FREM3: variants seen among roughly 807,000 people sequenced by gnomAD.
FREM3 encodes FRAS1 related extracellular matrix 3.
Under a neutral mutation model 129.1 loss-of-function variants are expected in FREM3, and 105 were observed. The observed-to-expected ratio is 0.81, with a 90% CI of 0.69 to 0.96. The LOEUF (loss-of-function observed/expected upper bound fraction) is 0.96, where lower values mean the gene tolerates loss of function less well. Ranked by LOEUF, FREM3 falls within the 40% of genes least tolerant of loss-of-function variation. The pLI, the probability that FREM3 is intolerant of heterozygous loss-of-function variation, is 0.00. For missense variants in FREM3, 2,593 were observed against 2,666.3 expected (o/e 0.97, Z 0.61); for synonymous variants, 1,014 against 1,044.9 (o/e 0.97, Z 0.57).
At chr4:143,599,428 C>T (rs1738534959) in intron 6 of FREM3, among the ~76,000 whole-genome samples, 1 of 152,150 alleles carries the variant, frequency 6.6e-6, no homozygotes, top group Admixed American at 6.5e-5. Context: ...TTGCTTTCCT[C>T]ATTTGTAAAA....
intron 3 of FREM3, among the ~76,000 whole-genome samples, chr4:143,626,912 A>G (rs1218487166): frequency 6.6e-6 from 1 of 152,212 alleles, no homozygotes; most frequent in Non-Finnish European, 1.5e-5. Context: ...TGAAGACAAT[A>G]TAACCCTATC....
At position 143,584,366 on chromosome 4, in the gene FREM3, G is replaced by A. The variant is rs973656324; in HGVS notation, c.6178+1478C>T. On this transcript the variant is annotated intron_variant, in intron 7 of 7. Transcript: ENST00000329798. ...GGAGCTTGCAGTAAGCCGAGATTGC[G>A]CCACTGCGGTCCGCAGTCCGGCCTG... 2.0e-4 allele frequency among the ~76,000 whole-genome samples: 29 copies of A among 147,380 alleles called. 1 individual carries two copies. The highest frequency in any genetic ancestry group is 7.5e-4 in the Admixed American group (11 of 14,702).
rs1251557228 is a variant in FREM3 at position 143,577,510 on chromosome 4, A to G, written c.*101T>C. Reference sequence around the variant, plus strand: ...AGAATATAACACCAATGACAGTACAATATCACTGATATCCCAGAATTGCTA... The same window carrying G: ...AGAATATAACACCAATGACAGTACAGTATCACTGATATCCCAGAATTGCTA... On this transcript the variant is annotated 3_prime_UTR_variant, in exon 8 of 8. Transcript: ENST00000329798. 9.0e-6 allele frequency: 10 copies of G among 1,108,080 alleles called. No individual in the cohort carries two copies. The highest frequency in any genetic ancestry group is 1.1e-5 in the Non-Finnish European group (9 of 792,236). The allele number at this position is 1,108,080 out of a possible 1,614,324, so 68.6% of individuals were successfully genotyped here.
chr4:143,651,379 G>A (rs1739506839), intron 2 of FREM3, among the ~76,000 whole-genome samples: 1 of 152,172 alleles, frequency 6.6e-6, no homozygotes, highest in Non-Finnish European at 1.5e-5. Context: ...CTCAGAGGAT[G>A]GGTGGAAAGG....
intron 7 of FREM3, among the ~76,000 whole-genome samples, chr4:143,584,358 G>A (rs963266149): frequency 6.1e-5 from 9 of 147,490 alleles, no homozygotes; most frequent in Admixed American, 2.0e-4. Flanking sequence ...GCAGTAAGCC[G>A]AGATTGCGCC....
rs1171359664 is a variant in FREM3, at chr4:143,699,673, C to T, written c.1003G>A (p.Val335Ile). The change falls in exon 1 of 8, where the codon GTC becomes ATC. Residue 335 changes from valine to isoleucine, a missense_variant. Transcript: ENST00000329798. The surrounding 1 kb of genome is among the most constrained non-coding windows in gnomAD (Gnocchi z 4.2). ...LTPDALAAED[V>I]ESDPGDLVFN... is the part of the protein sequence containing the mutation. ...ACCAGGTCACCAGGGTCTGACTCGA[C>T]GTCCTCCGCGGCCAGTGCGTCAGGC... 1.3e-6 allele frequency: 2 copies of T among 1,527,954 alleles called. No individual in the cohort carries two copies. Among genetic ancestry groups the T allele is most frequent in the East Asian group, 4.9e-5 (2 of 40,786 alleles). The allele number at this position is 1,527,954 out of a possible 1,614,324, so 94.6% of individuals were successfully genotyped here.
intron 2 of FREM3, among the ~76,000 whole-genome samples, chr4:143,691,607 A>G (rs1342398075): frequency 3.9e-5 from 6 of 152,204 alleles, no homozygotes; most frequent in Non-Finnish European, 8.8e-5. Context: ...ACTTCAGGCA[A>G]GTTATTCAAC....
intron 5 of FREM3, among the ~76,000 whole-genome samples, chr4:143,615,450 C>T (rs1738826514): frequency 6.6e-6 from 1 of 152,150 alleles, no homozygotes; most frequent in Non-Finnish European, 1.5e-5. Context: ...GCACAAGTCA[C>T]CTCATGCCCC....
At chr4:143,619,249 C>T (rs527885459) in intron 5 of FREM3, among the ~76,000 whole-genome samples, 29 of 152,274 alleles carry the variant, frequency 1.9e-4, no homozygotes, top group Admixed American at 9.8e-4. Flanking sequence ...TGCACAGAAA[C>T]CCCAATTACC....
chr4:143,692,702 G>T (rs1740494734), intron 2 of FREM3, among the ~76,000 whole-genome samples: 1 of 152,136 alleles, frequency 6.6e-6, no homozygotes, highest in Admixed American at 6.5e-5. Context: ...AGATCAGGGA[G>T]CCATAAGATT....
chr4:143,673,420 A>T (rs911611714), intron 2 of FREM3, among the ~76,000 whole-genome samples: 12 of 152,224 alleles, frequency 7.9e-5, no homozygotes, highest in Admixed American at 7.9e-4. Flanking sequence ...ATTGGTGAAC[A>T]GCAAATGTTG....
chr4:143,679,773 C>T (rs1168085329), intron 2 of FREM3, among the ~76,000 whole-genome samples: 6 of 152,012 alleles, frequency 3.9e-5, no homozygotes, highest in Non-Finnish European at 8.8e-5. Flanking sequence ...TTGTCCAGGG[C>T]GAACAATTCA....
At chr4:143,635,594 GA>G (rs746611539) in intron 2 of FREM3, among the ~76,000 whole-genome samples, 4 of 152,176 alleles carry the variant, frequency 2.6e-5, no homozygotes, top group Non-Finnish European at 5.9e-5. Context: ...CCCCTGGGGG[GA>G]AATCACCACT....
At chr4:143,613,222 T>C (rs1425301185) in intron 5 of FREM3, among the ~76,000 whole-genome samples, 1 of 152,196 alleles carries the variant, frequency 6.6e-6, no homozygotes, top group Non-Finnish European at 1.5e-5. Context: ...TTGTTAGAGC[T>C]GGAGAGTTGA....
intron 2 of FREM3, 25 bp downstream of exon 2, chr4:143,693,087 CT>C: frequency 1.6e-6 from 2 of 1,220,950 alleles, no homozygotes; most frequent in South Asian, 1.6e-5. Context: ...ACCATGAATC[CT>C]TTTGAAGGGT....
At chr4:143,644,279 T>G (rs1473561290) in intron 2 of FREM3, among the ~76,000 whole-genome samples, 1 of 152,176 alleles carries the variant, frequency 6.6e-6, no homozygotes, top group Admixed American at 6.5e-5. Context: ...TCCGTGTATC[T>G]GCATCATCTT....
chr4:143,614,060 A>C (rs1738804394), intron 5 of FREM3, among the ~76,000 whole-genome samples: 1 of 152,202 alleles, frequency 6.6e-6, no homozygotes, highest in South Asian at 2.1e-4. Flanking sequence ...TTCTGGGTTA[A>C]ATGAAAGACT....
At position 143,591,493 on chromosome 4, in the gene FREM3, A is replaced by G. The variant is rs58352805; in HGVS notation, c.6029-5500T>C. Among the ~76,000 whole-genome samples, 1,151 of 151,968 alleles carry G rather than the reference A, an allele frequency of 7.6e-3. 13 individuals carry two copies. The highest frequency in any genetic ancestry group is 0.026 in the African/African-American group (1,088 of 41,502). On this transcript the variant is annotated intron_variant, in intron 6 of 7. Coordinates refer to ENST00000329798, the MANE Select transcript of FREM3 (RefSeq NM_001168235.2). The stretch of plus-strand genomic sequence containing the variant: ...TCTTCATTTCTGCCTTCATTTCGTT[A>G]TGTACCCAGTAGTCATTCAGGAGCA...
In FREM3 at chr4:143,585,736, T is replaced by G; in HGVS notation, c.6178+108A>C. 8.8e-7 allele frequency: 1 copy of G among 1,138,058 alleles called. No homozygotes were observed. The highest frequency in any genetic ancestry group is 1.7e-5 in the South Asian group (1 of 58,852). The allele number at this position is 1,138,058 out of a possible 1,614,324, so 70.5% of individuals were successfully genotyped here. A position where few individuals can be genotyped will look rare whatever the true frequency, so the allele number is the denominator to read the frequency against. On this transcript the variant is annotated intron_variant, in intron 7 of 7. Coordinates refer to ENST00000329798, the MANE Select transcript of FREM3 (RefSeq NM_001168235.2). This position sits in a 1 kb window ranked among gnomAD's most constrained non-coding sequence, Gnocchi z 4.2. ...CTACGTGCTGAAGCCAGAGAAACTT[T>G]CATTCAGAGTCCATCAACAAAGACT...
Sources: allele counts gnomAD v4.1 joint callset (sites outside exome capture counted in the v4.1 genomes callset), GRCh38; gene constraint gnomAD v4.1.1; non-coding constraint Gnocchi (gnomAD v3.1); transcripts MANE v1.5; gene names NCBI Gene and HGNC (gene_info 2026-07-23, HGNC 2026-07-21).